GBE1: variants seen among roughly 807,000 people sequenced by gnomAD.
GBE1 encodes the protein 1,4-alpha-glucan branching enzyme 1.
GBE1 carries 70 observed loss-of-function variants against 88.8 expected under a neutral mutation model. The ratio of observed to expected loss-of-function variants is 0.79; its 90% CI spans 0.65 to 0.96. The LOEUF is 0.96. Ranked by LOEUF, GBE1 falls within the 40% of genes least tolerant of loss-of-function variation. The pLI is 0.00. For missense variants in GBE1, 872 were observed against 871.0 expected (o/e 1.00, Z -0.01); for synonymous variants, 284 against 300.1 (o/e 0.95, Z 0.56).
intron 7 of GBE1, among the ~76,000 whole-genome samples, chr3:81,619,451 C>T (rs142571271): frequency 9.2e-5 from 14 of 152,146 alleles, no homozygotes; most frequent in Non-Finnish European, 1.6e-4. Flanking sequence ...GATTATCATG[C>T]TAATTTTTTA....
intron 2 of GBE1, among the ~76,000 whole-genome samples, chr3:81,695,593 A>G (rs1705579357): frequency 6.6e-6 from 1 of 152,242 alleles, no homozygotes; most frequent in Non-Finnish European, 1.5e-5. Flanking sequence ...CAACATAAAA[A>G]TATAGTAAAA....
chr3:81,507,076 CA>C (rs954008168), intron 14 of GBE1, among the ~76,000 whole-genome samples: 8 of 147,382 alleles, frequency 5.4e-5, no homozygotes, highest in African/African-American at 1.2e-4. Context: ...AAACATAAGT[CA>C]AAAAAAAATG....
intron 1 of GBE1, among the ~76,000 whole-genome samples, chr3:81,721,124 C>T (rs537093209): frequency 7.8e-5 from 8 of 102,658 alleles, no homozygotes; most frequent in Non-Finnish European, 1.1e-4. Context: ...GTGGGTGCAG[C>T]GCACCAGCAT....
At chr3:81,656,808 A>T (rs936052683) in intron 3 of GBE1, among the ~76,000 whole-genome samples, 1 of 152,050 alleles carries the variant, frequency 6.6e-6, no homozygotes, top group Non-Finnish European at 1.5e-5. Flanking sequence ...GGTAAAGCAA[A>T]CTCCTTCAAA....
intron 2 of GBE1, among the ~76,000 whole-genome samples, chr3:81,698,542 CTT>C (rs1705637471): frequency 6.6e-6 from 1 of 152,156 alleles, no homozygotes; most frequent in African/African-American, 2.4e-5. Flanking sequence ...ATTCAAAATA[CTT>C]TTTAAAACTT....
intron 1 of GBE1, among the ~76,000 whole-genome samples, chr3:81,718,252 T>C (rs988580869): frequency 3.3e-5 from 5 of 152,032 alleles, no homozygotes; most frequent in African/African-American, 9.7e-5. Flanking sequence ...AGTGCTGGGA[T>C]TACAGGCGTG....
intron 7 of GBE1, among the ~76,000 whole-genome samples, chr3:81,611,486 T>C (rs1704182071): frequency 2.0e-5 from 3 of 152,146 alleles, no homozygotes; most frequent in Admixed American, 2.0e-4. Flanking sequence ...AGAAAAGTGA[T>C]TGGATCGGCT....
intron 12 of GBE1, among the ~76,000 whole-genome samples, chr3:81,565,815 T>G (rs892308368): frequency 2.0e-5 from 3 of 152,176 alleles, no homozygotes; most frequent in Non-Finnish European, 4.4e-5. Context: ...TCAGATGACC[T>G]ACATTATAAA....
At position 81,507,176 on chromosome 3, in the gene GBE1, G is replaced by GT. The variant is rs937605672; in HGVS notation, c.1935-7950dup. On this transcript the variant is annotated intron_variant, in intron 14 of 15. Transcript: ENST00000429644. ...TTTCTTTCAATGGAATATCCAGTTA[G>GT]TTTTTTTTTTAATCTCCCTGACTTT... is the stretch of plus-strand genomic sequence containing the variant. Among the ~76,000 whole-genome samples, 501 of 148,072 alleles carry GT rather than the reference G, an allele frequency of 3.4e-3. 7 individuals are homozygous for GT. Among genetic ancestry groups the GT allele is most frequent in the African/African-American group, 0.011 (441 of 40,406 alleles).
chr3:81,555,978 C>A (rs1385809838), intron 12 of GBE1, among the ~76,000 whole-genome samples: 1 of 152,064 alleles, frequency 6.6e-6, no homozygotes, highest in Non-Finnish European at 1.5e-5. Context: ...CTTTTTGCTC[C>A]TCTTCTTCCT....
At position 81,761,528 on chromosome 3, in the gene GBE1, A is replaced by C; in HGVS notation, c.-11T>G. The C allele has an allele frequency of 1.3e-6, 2 of 1,590,740 alleles. No homozygotes were observed. Among genetic ancestry groups the C allele is most frequent in the African/African-American group, 1.5e-5 (1 of 68,516 alleles). On this transcript the variant is annotated 5_prime_UTR_variant, in exon 1 of 16. Transcript: ENST00000429644. Reference sequence around the variant, plus strand: ...CATCGGAGCCGCCATATTCCGCCGCAGTCCAAGTAGCCGAGGCCCGAGAGG... The same window carrying C: ...CATCGGAGCCGCCATATTCCGCCGCCGTCCAAGTAGCCGAGGCCCGAGAGG...
At chr3:81,510,011 T>C (rs1702704094) in intron 14 of GBE1, among the ~76,000 whole-genome samples, 1 of 152,088 alleles carries the variant, frequency 6.6e-6, no homozygotes, top group Non-Finnish European at 1.5e-5. Context: ...ACATTTTATA[T>C]AATTCTTAGT....
intron 1 of GBE1, among the ~76,000 whole-genome samples, chr3:81,734,401 C>T (rs1196654087): frequency 6.6e-6 from 1 of 150,542 alleles, no homozygotes; most frequent in East Asian, 1.9e-4. Flanking sequence ...TAATTAAACA[C>T]AAGTCATTTG....
chr3:81,757,161 T>C (rs1706614711), intron 1 of GBE1, among the ~76,000 whole-genome samples: 2 of 152,180 alleles, frequency 1.3e-5, no homozygotes, highest in African/African-American at 4.8e-5. Context: ...TTCTAATTTA[T>C]TTTACTGGTA....
intron 7 of GBE1, among the ~76,000 whole-genome samples, chr3:81,620,207 G>T: frequency 6.7e-6 from 1 of 148,664 alleles, no homozygotes. Context: ...TTTTGAGATG[G>T]AGTCTCGCAC....
At chr3:81,492,264 T>G (rs1702446555) in intron 15 of GBE1, among the ~76,000 whole-genome samples, 1 of 152,204 alleles carries the variant, frequency 6.6e-6, no homozygotes, top group African/African-American at 2.4e-5. Context: ...TCATACCACA[T>G]CAGAATTTCA....
intron 12 of GBE1, among the ~76,000 whole-genome samples, chr3:81,557,184 C>T (rs1259162329): frequency 6.6e-6 from 1 of 151,810 alleles, no homozygotes; most frequent in Non-Finnish European, 1.5e-5. Flanking sequence ...TTTTTGCTGT[C>T]CCAAAATAAA....
chr3:81,519,632 G>A (rs1281162740), intron 14 of GBE1, among the ~76,000 whole-genome samples: 2 of 151,118 alleles, frequency 1.3e-5, no homozygotes, highest in Non-Finnish European at 3.0e-5. Context: ...TTAAACTGAT[G>A]TAATACATCA....
chr3:81,514,235 C>A lies in GBE1; in HGVS notation c.1935-15008G>T, dbSNP rs994384444. 2.0e-5 allele frequency among the ~76,000 whole-genome samples: 3 copies of A among 151,276 alleles called. No individual in the cohort carries two copies. The East Asian group carries it at 5.8e-4, about 29-fold the overall frequency. On this transcript the variant is annotated intron_variant, in intron 14 of 15. Transcript: ENST00000429644. ...AAAGAACACATGAGAAAAAAAAACCCAGTAATGTTTATAATTTTACATACA... is the reference window on the plus strand; with the variant it reads ...AAAGAACACATGAGAAAAAAAAACCAAGTAATGTTTATAATTTTACATACA...
Sources: allele counts gnomAD v4.1 joint callset (sites outside exome capture counted in the v4.1 genomes callset), GRCh38; gene constraint gnomAD v4.1.1; transcripts MANE v1.5; gene names NCBI Gene and HGNC (gene_info 2026-07-23, HGNC 2026-07-21).